The following ACOXL variants were observed in gnomAD, a reference collection of about 807,000 sequenced individuals.
ACOXL encodes the protein acyl-coenzyme A oxidase-like protein.
In ACOXL, 70 loss-of-function variants were observed where a neutral mutation model predicts 71.9. The ratio of observed to expected loss-of-function variants is 0.97; its 90% CI spans 0.80 to 1.19. The LOEUF is 1.19. Ranked by LOEUF, ACOXL falls within the 50% of genes most tolerant of loss-of-function variation. The probability of loss-of-function intolerance (pLI) is 0.00; values close to 1 mark genes in which losing one functional copy is unlikely to be tolerated. For missense variants in ACOXL, 703 were observed against 736.3 expected, an observed-to-expected ratio of 0.95 and a Z score of 0.52; for synonymous variants, 253 against 281.6, an observed-to-expected ratio of 0.90 and a Z score of 1.02.
intron 10 of ACOXL, among the ~76,000 whole-genome samples, chr2:110,888,390 C>A (rs952043772): frequency 6.6e-6 from 1 of 152,156 alleles, no homozygotes; most frequent in African/African-American, 2.4e-5. Context: ...TACTGCTGTA[C>A]CCCGTGGATG....
At chr2:110,744,576 T>C (rs530758644) in intron 1 of ACOXL, among the ~76,000 whole-genome samples, 1 of 152,122 alleles carries the variant, frequency 6.6e-6, no homozygotes, top group Non-Finnish European at 1.5e-5. Context: ...CTACATTACC[T>C]ACAACCTTCT....
At chr2:110,734,102 G>A (rs1304071702) in intron 1 of ACOXL, among the ~76,000 whole-genome samples, 1 of 151,820 alleles carries the variant, frequency 6.6e-6, no homozygotes, top group African/African-American at 2.4e-5. Context: ...TACTCTTCTT[G>A]CTAACTTTTT....
At chr2:110,793,968 C>G in intron 4 of ACOXL, 108 bp from the exon 5 acceptor site, 5 of 1,158,116 alleles carry the variant, frequency 4.3e-6, no homozygotes, top group South Asian at 4.2e-5. Context: ...ATAATTTTCT[C>G]CAACCCACCT....
intron 12 of ACOXL, among the ~76,000 whole-genome samples, chr2:110,947,095 T>C: frequency 6.6e-6 from 1 of 152,210 alleles, no homozygotes; most frequent in Non-Finnish European, 1.5e-5. Flanking sequence ...TTGAAAACCC[T>C]TCACCTGCCC....
At chr2:111,111,101 T>A (rs915037346) in intron 17 of ACOXL, among the ~76,000 whole-genome samples, 1 of 152,148 alleles carries the variant, frequency 6.6e-6, no homozygotes, top group Non-Finnish European at 1.5e-5. Context: ...TAATTTATTT[T>A]ATTTATTTAT....
chr2:111,011,576 C>G (rs961867996), intron 14 of ACOXL, among the ~76,000 whole-genome samples: 8 of 152,070 alleles, frequency 5.3e-5, no homozygotes, highest in African/African-American at 1.9e-4. Flanking sequence ...ATAGAGGAAA[C>G]TTTAAAACAA....
chr2:110,735,482 C>A (rs745883492), intron 1 of ACOXL, among the ~76,000 whole-genome samples: 1 of 152,182 alleles, frequency 6.6e-6, no homozygotes, highest in Non-Finnish European at 1.5e-5. Context: ...GGCATAAGAG[C>A]TCAGGAAACA....
intron 14 of ACOXL, among the ~76,000 whole-genome samples, chr2:111,000,655 C>A (rs928023040): frequency 6.6e-6 from 1 of 152,212 alleles, no homozygotes; most frequent in African/African-American, 2.4e-5. Context: ...CTGGTTGCTA[C>A]TGGCAATGCT....
intron 12 of ACOXL, among the ~76,000 whole-genome samples, chr2:110,965,309 A>G (rs540938395): frequency 4.6e-5 from 7 of 152,200 alleles, no homozygotes; most frequent in African/African-American, 1.4e-4. Flanking sequence ...TACCCTTGAT[A>G]TATTGATTTA....
chr2:111,074,599 T>C (rs182575499), intron 16 of ACOXL, among the ~76,000 whole-genome samples: 2 of 152,272 alleles, frequency 1.3e-5, no homozygotes, highest in African/African-American at 2.4e-5. Flanking sequence ...ACAATGTCTT[T>C]TGATTTTTTT....
At chr2:111,078,453 C>T (rs776005663) in intron 16 of ACOXL, among the ~76,000 whole-genome samples, 6 of 151,890 alleles carry the variant, frequency 4.0e-5, no homozygotes, top group South Asian at 2.1e-4. Context: ...AAGTAGAGGT[C>T]GGGTTTCACC....
Position 110,750,868 on chromosome 2 carries a change from A to G in ACOXL, c.-22-17500A>G, listed in dbSNP as rs113846418. On this transcript the variant is annotated intron_variant, in intron 1 of 17. Coordinates refer to ENST00000439055, the MANE Select transcript of ACOXL (RefSeq NM_001142807.4). ...CCCCACTAATTTTTGTATTTTTTGT[A>G]GAGATGGGGCTTCGCCATGTTGCCC... 3.9e-4 allele frequency among the ~76,000 whole-genome samples: 60 copies of G among 152,002 alleles called. 1 individual carries two copies. The highest frequency in any genetic ancestry group is 1.3e-3 in the African/African-American group (56 of 41,512).
intron 10 of ACOXL, among the ~76,000 whole-genome samples, chr2:110,849,481 C>T (rs545172553): frequency 5.9e-5 from 9 of 152,298 alleles, no homozygotes; most frequent in African/African-American, 9.6e-5. Context: ...ACCTAGGCTG[C>T]GTGCCGTGGT....
intron 17 of ACOXL, chr2:111,099,196 T>C (rs2018707): frequency 0.29 from 43,656 of 152,118 alleles, 7,618 homozygotes; most frequent in African/African-American, 0.49. Flanking sequence ...CAGAAGGCAG[T>C]GCAAGTGCCC....
intron 12 of ACOXL, among the ~76,000 whole-genome samples, chr2:110,983,014 A>G (rs763854446): frequency 5.9e-5 from 9 of 152,214 alleles, no homozygotes; most frequent in Non-Finnish European, 1.2e-4. Flanking sequence ...GGAGCATGAT[A>G]TGGGGCCCAG....
intron 16 of ACOXL, among the ~76,000 whole-genome samples, chr2:111,086,929 T>A (rs2068240714): frequency 6.6e-6 from 1 of 152,214 alleles, no homozygotes; most frequent in African/African-American, 2.4e-5. Flanking sequence ...CAAAAGATCC[T>A]TGAGCTAATA....
At chr2:110,750,923 G>A (rs72830989) in intron 1 of ACOXL, among the ~76,000 whole-genome samples, 2,501 of 152,122 alleles carry the variant, frequency 0.016, 34 homozygotes, top group Non-Finnish European at 0.026. Context: ...CAGCTCAAAC[G>A]ATTCGCCTGC....
At position 110,987,126 on chromosome 2, in the gene ACOXL, C is replaced by A. The variant is rs868040945; in HGVS notation, c.1078C>A (p.Leu360Met). The A allele has an allele frequency of 6.4e-7, 1 of 1,571,260 alleles. No homozygotes were observed. ...TGGMVVGREL[L>M]AQYTKQYEEK... ...TGCACAGGTTGTGGGGCGGGAACTG[C>A]TGGCCCAATACACCAAACAGTATGA... Residue 360 changes from leucine (L) to methionine (M), a missense_variant, in exon 13 of 18, where the codon CTG becomes ATG. Transcript: ENST00000439055.
chr2:110,748,456 A>G (rs891512819), intron 1 of ACOXL, among the ~76,000 whole-genome samples: 26 of 152,028 alleles, frequency 1.7e-4, no homozygotes, highest in African/African-American at 5.1e-4. Flanking sequence ...CTTCCCTGCT[A>G]CCTTTGTAGA....
Sources: allele counts gnomAD v4.1 joint callset (sites outside exome capture counted in the v4.1 genomes callset), GRCh38; gene constraint gnomAD v4.1.1; transcripts MANE v1.5; gene names NCBI Gene and HGNC (gene_info 2026-07-23, HGNC 2026-07-21).